TC2N: variants seen among roughly 807,000 people sequenced by gnomAD.
The protein encoded by TC2N is tandem C2 domains, nuclear.
Under a neutral mutation model 61.9 loss-of-function variants are expected in TC2N, and 51 were observed. The observed-to-expected ratio is 0.82, with a 90% CI of 0.66 to 1.04. The LOEUF is 1.04. Among genes scored for constraint, TC2N ranks in the 50% least tolerant of loss-of-function variants. TC2N has a pLI of 0.00. For synonymous variants in TC2N, 204 were observed against 192.6 expected, an observed-to-expected ratio of 1.06 and a Z score of -0.49; for missense variants, 556 against 566.7, an observed-to-expected ratio of 0.98 and a Z score of 0.19.
intron 1 of TC2N, among the ~76,000 whole-genome samples, chr14:91,827,441 C>A (rs1169652737): frequency 1.3e-5 from 2 of 152,122 alleles, no homozygotes; most frequent in African/African-American, 4.8e-5. Flanking sequence ...TGGCTCATGG[C>A]CCCTTCCTCC....
intron 11 of TC2N, among the ~76,000 whole-genome samples, chr14:91,783,612 G>A (rs1461391861): frequency 6.6e-6 from 1 of 151,950 alleles, no homozygotes; most frequent in East Asian, 1.9e-4. Flanking sequence ...GATTGGTAAG[G>A]AATGTGCATT....
intron 1 of TC2N, among the ~76,000 whole-genome samples, chr14:91,850,659 A>G (rs12147673): frequency 0.92 from 139,635 of 152,304 alleles, 64,577 homozygotes; most frequent in Non-Finnish European, 0.97. Flanking sequence ...CTGCCCAGGC[A>G]CAGTGGCTTA....
At chr14:91,827,454 T>C (rs532400328) in intron 1 of TC2N, among the ~76,000 whole-genome samples, 159 of 152,264 alleles carry the variant, frequency 1.0e-3, no homozygotes, top group Middle Eastern at 6.8e-3. Flanking sequence ...CTTCCTCCAC[T>C]TCAAAGCCAA....
intron 1 of TC2N, among the ~76,000 whole-genome samples, chr14:91,848,812 C>T (rs1219992156): frequency 6.6e-6 from 1 of 152,162 alleles, no homozygotes; most frequent in African/African-American, 2.4e-5. Flanking sequence ...CCTGAAAATT[C>T]GTATCATTTG....
chr14:91,859,528 C>T (rs181244949), intron 1 of TC2N, among the ~76,000 whole-genome samples: 173 of 152,286 alleles, frequency 1.1e-3, no homozygotes, highest in African/African-American at 4.0e-3. Flanking sequence ...TGACACTGAC[C>T]ACCTACTATG....
chr14:91,815,434 C>T (rs541614800), intron 1 of TC2N, among the ~76,000 whole-genome samples: 193 of 151,636 alleles, frequency 1.3e-3, no homozygotes, highest in African/African-American at 4.5e-3. Context: ...AAAGACACCA[C>T]AAATAAGATA....
At chr14:91,822,235 T>C (rs72631604) in intron 1 of TC2N, among the ~76,000 whole-genome samples, 18,537 of 152,192 alleles carry the variant, frequency 0.12, 1,431 homozygotes, top group East Asian at 0.2. Flanking sequence ...TAGCCAAAAA[T>C]TGAAAACTAT....
At chr14:91,845,232 A>AAAATAAATAAATAAATAAAT (rs3030732) in intron 1 of TC2N, among the ~76,000 whole-genome samples, 4 of 147,052 alleles carry the variant, frequency 2.7e-5, no homozygotes, top group Non-Finnish European at 6.0e-5. Context: ...ACTCCATCTC[A>AAAATAAATAAATAAATAAAT]AAATAAATAA....
intron 1 of TC2N, among the ~76,000 whole-genome samples, chr14:91,847,446 T>C (rs1055329566): frequency 3.3e-5 from 5 of 152,182 alleles, no homozygotes; most frequent in African/African-American, 1.2e-4. Flanking sequence ...CTAGGTCAGA[T>C]AAGGTGATGC....
chr14:91,824,321 A>G (rs1233375866), intron 1 of TC2N, among the ~76,000 whole-genome samples: 3 of 152,224 alleles, frequency 2.0e-5, no homozygotes, highest in Non-Finnish European at 4.4e-5. Flanking sequence ...TACTTTTAAT[A>G]TCACTTCCTT....
chr14:91,852,161 C>T (rs1403956969), intron 1 of TC2N, among the ~76,000 whole-genome samples: 2 of 152,246 alleles, frequency 1.3e-5, no homozygotes, highest in African/African-American at 2.4e-5. Context: ...AGCGCGGTGG[C>T]TCACGCCTGT....
intron 1 of TC2N, among the ~76,000 whole-genome samples, chr14:91,820,266 T>C (rs1354165580): frequency 1.3e-5 from 2 of 152,058 alleles, no homozygotes; most frequent in African/African-American, 4.8e-5. Context: ...GTATAAAAGA[T>C]TTATGTATCA....
chr14:91,785,685 A>G (rs8010071), intron 10 of TC2N, among the ~76,000 whole-genome samples: 149,154 of 152,118 alleles, frequency 0.98, 73,205 homozygotes, highest in East Asian at 1. Flanking sequence ...AAAGAGAGGT[A>G]CCAATCTTTT....
chr14:91,803,380 TACAC>T (rs57274606), intron 3 of TC2N, among the ~76,000 whole-genome samples: 33 of 145,512 alleles, frequency 2.3e-4, no homozygotes, highest in Non-Finnish European at 3.8e-4. Flanking sequence ...CATACATATA[TACAC>T]ACACACACAC....
intron 1 of TC2N, among the ~76,000 whole-genome samples, chr14:91,820,276 A>T (rs1354556851): frequency 6.6e-6 from 1 of 152,120 alleles, no homozygotes; most frequent in African/African-American, 2.4e-5. Context: ...TTTATGTATC[A>T]TAACCAAGCA....
At chr14:91,802,225 G>T (rs759505622) in intron 4 of TC2N, 29 bp downstream of exon 4, 37 of 1,490,954 alleles carry the variant, frequency 2.5e-5, no homozygotes, top group Non-Finnish European at 3.2e-5. Flanking sequence ...GAGAAACACA[G>T]AGAGGAAAAG....
At chr14:91,853,969 T>C (rs937999071) in intron 1 of TC2N, among the ~76,000 whole-genome samples, 2 of 152,134 alleles carry the variant, frequency 1.3e-5, no homozygotes, top group Non-Finnish European at 2.9e-5. Flanking sequence ...CTAGTAAGAA[T>C]ATTTCTCTGA....
chr14:91,789,627 A>C (rs1198792418), intron 9 of TC2N, among the ~76,000 whole-genome samples: 4 of 148,806 alleles, frequency 2.7e-5, no homozygotes, highest in East Asian at 2.1e-4. Flanking sequence ...AAAAAACAAA[A>C]AAAAAAAACA....
chr14:91,827,646 T>A lies in TC2N; in HGVS notation c.-56-13821A>T, dbSNP rs1241427261. Among the ~76,000 whole-genome samples the A allele has an allele frequency of 2.0e-5, 3 of 152,236 alleles. No homozygotes were observed. The East Asian group carries it at 5.8e-4, about 29-fold the overall frequency. On this transcript the variant is annotated intron_variant, in intron 1 of 11. Coordinates refer to ENST00000435962, the MANE Select transcript of TC2N (RefSeq NM_001128596.3). ...AAAATCCTAAATCACATCTGTAAAG[T>A]CACTTTTTCCATGTGAGGTAACATT...
Sources: gnomAD v4.1 joint callset for allele counts (sites outside exome capture counted in the v4.1 genomes callset) on GRCh38, gnomAD v4.1.1 for gene constraint, MANE v1.5 for transcripts, NCBI Gene and HGNC (gene_info 2026-07-23, HGNC 2026-07-21) for gene names.